The following GLIS3 variants were observed in gnomAD, a reference collection of about 807,000 sequenced individuals.
GLIS3 encodes GLIS family zinc finger 3, also known as zinc finger protein GLIS3.
A neutral mutation model predicts 78.6 loss-of-function variants in GLIS3; 53 were observed. That is an observed-to-expected ratio of 0.67 (90% CI 0.54 to 0.85). The LOEUF is 0.85. Among genes scored for constraint, GLIS3 ranks in the 40% least tolerant of loss-of-function variants. The probability of loss-of-function intolerance (pLI) is 0.00; values close to 1 mark genes in which losing one functional copy is unlikely to be tolerated. For missense variants in GLIS3, 1,703 were observed against 1,231.1 expected (o/e 1.38, Z -5.74); for synonymous variants, 684 against 509.9 (o/e 1.34, Z -4.60).
At chr9:3,899,017 A>C in intron 6 of GLIS3, 182 bp from the exon 7 acceptor site, 1 of 725,862 alleles carries the variant, frequency 1.4e-6, no homozygotes, top group Non-Finnish European at 2.3e-6. Flanking sequence ...AATCCTAATA[A>C]CACCTGGCAA....
At chr9:4,387,715 C>T in the GLIS3 span, among the ~76,000 whole-genome samples, 2 of 152,160 alleles carry the variant, frequency 1.3e-5, no homozygotes, top group African/African-American at 2.4e-5. Context: ...AATCCCCTAC[C>T]ACTGAATTTC....
intron 4 of GLIS3, among the ~76,000 whole-genome samples, chr9:4,090,690 G>C (rs766942595): frequency 8.5e-5 from 13 of 152,222 alleles, no homozygotes; most frequent in Non-Finnish European, 1.9e-4. Flanking sequence ...ACGGCATCCA[G>C]TGTTCCTTAG....
the GLIS3 span, among the ~76,000 whole-genome samples, chr9:4,354,773 T>G: frequency 1.9e-3 from 282 of 152,188 alleles, 4 homozygotes; most frequent in African/African-American, 6.4e-3. Flanking sequence ...TACCCCAAAT[T>G]CCACCCTCAA....
At chr9:4,001,133 G>C (rs1335747320) in intron 4 of GLIS3, among the ~76,000 whole-genome samples, 1 of 152,098 alleles carries the variant, frequency 6.6e-6, no homozygotes, top group Non-Finnish European at 1.5e-5. Flanking sequence ...TTGCAATCTA[G>C]TCATAGTCAT....
At chr9:4,343,440 A>G (rs1817861827) in intron 2 of GLIS3, among the ~76,000 whole-genome samples, 1 of 152,212 alleles carries the variant, frequency 6.6e-6, no homozygotes, top group Non-Finnish European at 1.5e-5. Context: ...TGTGGAGAAA[A>G]AGGAATGCTT....
chr9:4,376,167 G>A, the GLIS3 span, among the ~76,000 whole-genome samples: 1 of 152,154 alleles, frequency 6.6e-6, no homozygotes. Flanking sequence ...AAAGTTCTCA[G>A]GCATGACTCT....
intron 4 of GLIS3, among the ~76,000 whole-genome samples, chr9:4,054,716 A>G (rs926723277): frequency 6.6e-6 from 1 of 152,212 alleles, no homozygotes; most frequent in Non-Finnish European, 1.5e-5. Context: ...TGGTCAAACT[A>G]GAACATTTTG....
At chr9:4,168,945 T>C (rs1816124648) in intron 2 of GLIS3, among the ~76,000 whole-genome samples, 1 of 152,206 alleles carries the variant, frequency 6.6e-6, no homozygotes, top group African/African-American at 2.4e-5. Flanking sequence ...GGCAGCAATG[T>C]AGAAAAAATA....
intron 2 of GLIS3, among the ~76,000 whole-genome samples, chr9:4,135,071 G>C (rs1287115725): frequency 1.3e-5 from 2 of 152,020 alleles, no homozygotes; most frequent in African/African-American, 4.8e-5. Context: ...TTTATTGTGG[G>C]TCCCCTCATA....
chr9:4,218,301 T>C (rs77597716), intron 2 of GLIS3, among the ~76,000 whole-genome samples: 7 of 152,056 alleles, frequency 4.6e-5, no homozygotes, highest in African/African-American at 1.7e-4. Context: ...TTTTTTTTTT[T>C]GAGATGGAGT....
intron 2 of GLIS3, among the ~76,000 whole-genome samples, chr9:4,319,337 G>C (rs546736029): frequency 1.8e-4 from 27 of 152,282 alleles, no homozygotes; most frequent in Non-Finnish European, 3.1e-4. Context: ...CCAGATGGGG[G>C]AGCAGGAAGA....
intron 4 of GLIS3, among the ~76,000 whole-genome samples, chr9:4,106,882 C>G (rs767813877): frequency 6.6e-6 from 1 of 152,004 alleles, no homozygotes; most frequent in African/African-American, 2.4e-5. Flanking sequence ...AGAAAGATGA[C>G]GAGCAGCGGG....
chr9:4,073,175 G>C (rs1827758993), intron 4 of GLIS3, among the ~76,000 whole-genome samples: 1 of 152,124 alleles, frequency 6.6e-6, no homozygotes, highest in Non-Finnish European at 1.5e-5. Flanking sequence ...GAAATGTATA[G>C]TAGAGACAGA....
At chr9:3,906,523 A>C (rs775556045) in intron 6 of GLIS3, among the ~76,000 whole-genome samples, 1 of 152,134 alleles carries the variant, frequency 6.6e-6, no homozygotes, top group Non-Finnish European at 1.5e-5. Flanking sequence ...TTGGAGGTAA[A>C]TCAGCAATTT....
intron 4 of GLIS3, among the ~76,000 whole-genome samples, chr9:4,108,935 G>A (rs777886626): frequency 6.6e-5 from 10 of 152,144 alleles, no homozygotes; most frequent in Non-Finnish European, 1.2e-4. Flanking sequence ...GAGGGCTCGT[G>A]CTGCCAGAGA....
At chr9:4,044,387 C>T (rs1361101132) in intron 4 of GLIS3, among the ~76,000 whole-genome samples, 1 of 152,146 alleles carries the variant, frequency 6.6e-6, no homozygotes, top group African/African-American at 2.4e-5. Context: ...ATTTGTTTTC[C>T]TGATTGTTCC....
rs1817441931 is a variant in GLIS3 at position 4,316,717 on chromosome 9, C to A, written n.265-6189G>T. 1.3e-5 allele frequency among the ~76,000 whole-genome samples: 2 copies of A among 152,310 alleles called. 1 individual carries two copies. Among genetic ancestry groups the A allele is most frequent in the South Asian group, 4.2e-4 (2 of 4,816 alleles). ...CCAGAGTTGGTTCCTGCCTTGCCCCCTGAGCTGCTGGGATAAGCTTCGACC... is the reference window on the plus strand; with the variant it reads ...CCAGAGTTGGTTCCTGCCTTGCCCCATGAGCTGCTGGGATAAGCTTCGACC... On this transcript the variant is annotated intron_variant and non_coding_transcript_variant, in intron 2 of 4. Coordinates refer to the GLIS3 transcript ENST00000471664.
intron 2 of GLIS3, among the ~76,000 whole-genome samples, chr9:4,256,064 T>C (rs1292990186): frequency 1.3e-5 from 2 of 152,100 alleles, no homozygotes; most frequent in African/African-American, 4.8e-5. Context: ...GATAACAAAC[T>C]TGCCCAAGCC....
chr9:3,875,233 T>C (rs978744891), intron 8 of GLIS3, among the ~76,000 whole-genome samples: 11 of 152,332 alleles, frequency 7.2e-5, no homozygotes, highest in African/African-American at 2.6e-4. Flanking sequence ...ATAAGTTAGA[T>C]CAACATTAGG....
Sources: gnomAD v4.1 joint callset for allele counts (sites outside exome capture counted in the v4.1 genomes callset) on GRCh38, gnomAD v4.1.1 for gene constraint, MANE v1.5 for transcripts, NCBI Gene and HGNC (gene_info 2026-07-23, HGNC 2026-07-21) for gene names.